WDR45B: variants seen among roughly 807,000 people sequenced by gnomAD.
WDR45B encodes WD repeat domain 45B.
WDR45B carries 20 observed loss-of-function variants against 44.6 expected under a neutral mutation model. The observed-to-expected ratio is 0.45, with a 90% confidence interval of 0.32 to 0.65. The LOEUF (loss-of-function observed/expected upper bound fraction) is 0.65, where lower values mean the gene tolerates loss of function less well. Ranked by LOEUF, WDR45B falls within the 30% of genes least tolerant of loss-of-function variation. The pLI, the probability that WDR45B is intolerant of heterozygous loss-of-function variation, is 0.05. For missense variants in WDR45B, 323 were observed against 430.2 expected, an observed-to-expected ratio of 0.75 and a Z score of 2.20; for synonymous variants, 169 against 164.9, an observed-to-expected ratio of 1.02 and a Z score of -0.19.
At position 82,648,265 on chromosome 17, in the gene WDR45B, C is replaced by T; in HGVS notation, c.67+9G>A. 1 of 1,603,828 alleles carries T rather than the reference C, an allele frequency of 6.2e-7. No individual in the cohort carries two copies. The highest frequency in any genetic ancestry group is 1.7e-5 in the Admixed American group (1 of 59,566). On this transcript the variant is annotated intron_variant, in intron 1 of 9. Transcript: ENST00000392325. ...GGCCGGGCAAGGCGACAGGGCCGCG[C>T]CTCCTCACCGTGGTCCTGGTTGAAG... is the stretch of plus-strand genomic sequence containing the variant.
intron 1 of WDR45B, among the ~76,000 whole-genome samples, chr17:82,646,507 AAAAAAC>A (rs1214600081): frequency 7.5e-5 from 11 of 147,650 alleles, no homozygotes; most frequent in African/African-American, 2.5e-4. Context: ...AAAAAAAAAA[AAAAAAC>A]CCAAAACAAA....
At chr17:82,627,349 G>GCTGCATCC in intron 3 of WDR45B, 58 bp from the exon 4 acceptor site, 1 of 1,397,034 alleles carries the variant, frequency 7.2e-7, no homozygotes, top group Non-Finnish European at 1.0e-6. Context: ...GCGCTGGGAT[G>GCTGCATCC]CAGCGATGCC....
chr17:82,627,245 T>C lies in WDR45B; in HGVS notation c.291A>G (p.Glu97=). 6.2e-7 allele frequency: 1 copy of C among 1,613,836 alleles called. No homozygotes were observed. Among genetic ancestry groups the C allele is most frequent in the Admixed American group, 1.7e-5 (1 of 60,028 alleles). The stretch of plus-strand genomic sequence containing the variant: ...TGACTGCCTTGACTTCTGTAGAAAA[T>C]TCTATTTCAATAACAGTCTTCTTCT... ...DLKKKTVIEI[E]FSTEVKAVKL... Residue 97 remains glutamate, a synonymous_variant, in exon 4 of 10, where the codon GAA becomes GAG. Transcript: ENST00000392325.
In WDR45B at chr17:82,619,052, T is replaced by C. The variant is rs571251157; in HGVS notation, c.695A>G (p.Asn232Ser). Residue 232 changes from asparagine (N) to serine (S), a missense_variant, in exon 7 of 10, where the codon AAT (asparagine) becomes AGT (serine). Physicochemically the swap from Asn to Ser is conservative, Grantham distance 46. Transcript: ENST00000392325. ...QELRRGSQAA[N>S]IYCINFNQDA... ...TTGGAGGTGCCCTTACCAGTAAATA[T>C]TGGCTGCTTGAGATCCTCTTCGCAG... The C allele has an allele frequency of 7.3e-5, 118 of 1,614,150 alleles. 1 individual carries two copies. The South Asian group carries it at 1.0e-3, about 14-fold the overall frequency.
In WDR45B at chr17:82,625,451, A is replaced by T. The variant is rs1415687283; in HGVS notation, c.365T>A (p.Val122Glu). 6.2e-7 allele frequency: 1 copy of T among 1,614,192 alleles called. No homozygotes were observed. Among genetic ancestry groups the T allele is most frequent in the Admixed American group, 1.7e-5 (1 of 60,018 alleles). Residue 122 changes from valine (V) to glutamate (E), a missense_variant, in exon 5 of 10, where the codon GTG becomes GAG. Transcript: ENST00000392325. ...ATGGGGATTGTGTGTGAATGTGAAC[A>T]CCTTAATCATGGAGTCCAAAACCAC... ...IVVVLDSMIK[V>E]FTFTHNPHQL...
rs754915766 is a variant in WDR45B at position 82,616,032 on chromosome 17, T to C, written c.929-7A>G. The C allele has an allele frequency of 1.2e-6, 2 of 1,612,478 alleles. No individual in the cohort carries two copies. Among genetic ancestry groups the C allele is most frequent in the East Asian group, 2.2e-5 (1 of 44,876 alleles). On this transcript the variant is annotated splice_region_variant and splice_polypyrimidine_tract_variant and intron_variant, in intron 9 of 9. Transcript: ENST00000392325. ...CTGCCGTCTGCACAAATTGCTGGGA[T>C]AGAAGGAGACCATTTTACCTGTGTG...
chr17:82,616,769 T>A, intron 8 of WDR45B, 124 bp from the exon 9 acceptor site: 3 of 992,878 alleles, frequency 3.0e-6, no homozygotes, highest in South Asian at 1.6e-5. Flanking sequence ...CTTTAATGAA[T>A]TTTTTTTTTG....
In WDR45B at chr17:82,615,609, GC is replaced by G. The variant is rs2045521377; in HGVS notation, c.*309del. On this transcript the variant is annotated 3_prime_UTR_variant, in exon 10 of 10. Transcript: ENST00000392325. Reference sequence around the variant, plus strand: ...AGCCCAGTCCCCAGGTCCGTATGGAGCCCCCGTCAGTGTGAGGATGCGGCGG... The same window carrying G: ...AGCCCAGTCCCCAGGTCCGTATGGAGCCCCGTCAGTGTGAGGATGCGGCGG... 2.3e-6 allele frequency: 1 copy of G among 440,098 alleles called. No homozygotes were observed. Among genetic ancestry groups the G allele is most frequent in the East Asian group, 4.7e-5 (1 of 21,408 alleles). 27.3% of individuals were successfully genotyped at this position (440,098 alleles called of 1,614,324 possible).
At chr17:82,617,434 G>A (rs535111617) in intron 7 of WDR45B, 37 bp from the exon 8 acceptor site, 1 of 1,601,440 alleles carries the variant, frequency 6.2e-7, no homozygotes, top group Non-Finnish European at 8.6e-7. Flanking sequence ...GCCTTGTGTG[G>A]ATGTGGAGGA....
intron 2 of WDR45B, among the ~76,000 whole-genome samples, chr17:82,643,235 C>G (rs2045938308): frequency 6.6e-6 from 1 of 152,124 alleles, no homozygotes. Context: ...GAGTTAGAGA[C>G]CAGCCTGGCC....
rs566985940 is a variant in WDR45B, at chr17:82,637,654, G to A, written c.142+6295C>T. On this transcript the variant is annotated intron_variant, in intron 2 of 9. Coordinates refer to ENST00000392325, the MANE Select transcript of WDR45B (RefSeq NM_019613.4). The stretch of plus-strand genomic sequence containing the variant: ...GTTCAATTTGCTGGCACGGCTCACC[G>A]AACTCAGGGAAACACTTCCTTATGT... Among the ~76,000 whole-genome samples the A allele has an allele frequency of 2.8e-4, 42 of 152,144 alleles. 1 individual carries two copies. The highest frequency in any genetic ancestry group is 9.9e-4 in the African/African-American group (41 of 41,410).
Position 82,644,001 on chromosome 17 carries a change from T to C in WDR45B, c.90A>G (p.Glu30=), listed in dbSNP as rs1486241362. ...QDHGCFACGM[E]NGFRVYNTDP... Reference sequence around the variant, plus strand: ...CAGTGTTATAGACTCGGAATCCATTTTCCATCCCACACGCAAAGCATCCTA... The same window carrying C: ...CAGTGTTATAGACTCGGAATCCATTCTCCATCCCACACGCAAAGCATCCTA... The change falls in exon 2 of 10, where the codon GAA becomes GAG. Residue 30 remains glutamate (E), a synonymous_variant. Coordinates refer to ENST00000392325, the MANE Select transcript of WDR45B (RefSeq NM_019613.4). The C allele has an allele frequency of 1.9e-6, 3 of 1,614,168 alleles. No homozygotes were observed. The highest frequency in any genetic ancestry group is 2.5e-6 in the Non-Finnish European group (3 of 1,180,034).
intron 1 of WDR45B, among the ~76,000 whole-genome samples, chr17:82,645,165 G>T (rs1429535218): frequency 6.6e-6 from 1 of 152,082 alleles, no homozygotes; most frequent in Non-Finnish European, 1.5e-5. Flanking sequence ...AGTCGTGGTG[G>T]TGAGCGCCTG....
chr17:82,630,824 C>G (rs1446905795), intron 3 of WDR45B, 97 bp downstream of exon 3: 1 of 1,208,808 alleles, frequency 8.3e-7, no homozygotes, highest in African/African-American at 1.5e-5. Flanking sequence ...CACAGAACTA[C>G]TAGGGAAAAT....
At chr17:82,642,788 G>A (rs895760795) in intron 2 of WDR45B, among the ~76,000 whole-genome samples, 1 of 152,206 alleles carries the variant, frequency 6.6e-6, no homozygotes, top group African/African-American at 2.4e-5. Flanking sequence ...GCTGTTAAGA[G>A]TGGAGAGAAA....
chr17:82,635,310 T>G (rs1253200029), intron 2 of WDR45B, among the ~76,000 whole-genome samples: 3 of 151,952 alleles, frequency 2.0e-5, no homozygotes. Flanking sequence ...AGGTCACTAA[T>G]GTACTCTTCA....
intron 1 of WDR45B, among the ~76,000 whole-genome samples, chr17:82,646,514 C>CAAAAAAAAAAAAAAA (rs1568019681): frequency 9.2e-5 from 2 of 21,678 alleles, no homozygotes; most frequent in African/African-American, 2.5e-4. Context: ...AAAAAAAAAC[C>CAAAAAAAAAAAAAAA]CAAAACAAAA....
In WDR45B at chr17:82,626,533, C is replaced by CAAAAAA. The variant is rs562186058; in HGVS notation, c.332+665_332+670dup. Among the ~76,000 whole-genome samples the CAAAAAA allele has an allele frequency of 6.2e-4, 49 of 79,438 alleles. 1 individual carries two copies. Among genetic ancestry groups the CAAAAAA allele is most frequent in the African/African-American group, 2.9e-3 (40 of 13,666 alleles). 52.1% of individuals were successfully genotyped at this position (79,438 alleles called of 152,430 possible). On this transcript the variant is annotated intron_variant, in intron 4 of 9. Transcript: ENST00000392325. ...GGCAACAGAGCAAGACTCTATCTCC[C>CAAAAAA]AAAAAAAAAAAAAAAAAAAAAAAAA... is the stretch of plus-strand genomic sequence containing the variant.
Position 82,648,326 on chromosome 17 carries a change from C to A in WDR45B, c.15G>T (p.Pro5=). 2 of 1,606,676 alleles carry A rather than the reference C, an allele frequency of 1.2e-6. No homozygotes were observed. The highest frequency in any genetic ancestry group is 1.7e-6 in the Non-Finnish European group (2 of 1,177,968). ...GCAGCCCGTTGCCGTGAGGGTTACACGGCAGGAGGTTCATGGCGCCGCCGT... is the reference window on the plus strand; with the variant it reads ...GCAGCCCGTTGCCGTGAGGGTTACAAGGCAGGAGGTTCATGGCGCCGCCGT... MNLL[P]CNPHGNGLLY... is the part of the protein sequence containing the mutation. Residue 5 remains proline (P), a synonymous_variant, in exon 1 of 10, where the codon CCG becomes CCT. Coordinates refer to ENST00000392325, the MANE Select transcript of WDR45B (RefSeq NM_019613.4).
Sources: allele counts gnomAD v4.1 joint callset (sites outside exome capture counted in the v4.1 genomes callset), GRCh38; gene constraint gnomAD v4.1.1; transcripts MANE v1.5; gene names NCBI Gene and HGNC (gene_info 2026-07-23, HGNC 2026-07-21).